The following NRG4 variants were observed in gnomAD, a reference collection of about 807,000 sequenced individuals.
NRG4 encodes neuregulin 4.
NRG4 carries 10 observed loss-of-function variants against 15.0 expected under a neutral mutation model. The observed-to-expected ratio is 0.67, with a 90% confidence interval of 0.41 to 1.13. NRG4 has a LOEUF of 1.13. NRG4 is among the 50% of genes most tolerant of loss of function. The pLI, the probability that NRG4 is intolerant of heterozygous loss-of-function variation, is 0.00. For synonymous variants in NRG4, 41 were observed against 50.1 expected, an observed-to-expected ratio of 0.82 and a Z score of 0.77; for missense variants, 139 against 140.2, an observed-to-expected ratio of 0.99 and a Z score of 0.04.
intron 2 of NRG4, among the ~76,000 whole-genome samples, chr15:76,010,604 A>C (rs1356990879): frequency 6.6e-6 from 1 of 152,146 alleles, no homozygotes; most frequent in Non-Finnish European, 1.5e-5. Flanking sequence ...TGAAAAAGAA[A>C]GTAAAATCAA....
chr15:76,005,842 G>A (rs564445705), intron 3 of NRG4: 3 of 399,634 alleles, frequency 7.5e-6, no homozygotes, highest in Non-Finnish European at 1.5e-5. Context: ...GGAGTTGGCA[G>A]GCAACATAAC....
chr15:76,046,124 T>C (rs1485400035), intron 4 of NRG4, among the ~76,000 whole-genome samples: 2 of 150,286 alleles, frequency 1.3e-5, no homozygotes, highest in Non-Finnish European at 3.0e-5. Context: ...ATATATAAAA[T>C]ACCTAGGAAT....
At chr15:75,975,961 C>T (rs1240661412) in intron 3 of NRG4, among the ~76,000 whole-genome samples, 1 of 152,172 alleles carries the variant, frequency 6.6e-6, no homozygotes, top group Non-Finnish European at 1.5e-5. Flanking sequence ...CAACTTGGTT[C>T]CATTCACCCT....
intron 3 of NRG4, among the ~76,000 whole-genome samples, chr15:75,995,314 A>G (rs531291585): frequency 6.6e-6 from 1 of 152,314 alleles, no homozygotes; most frequent in South Asian, 2.1e-4. Flanking sequence ...CAGGAAGTGT[A>G]CAATCATGGC....
intron 3 of NRG4, among the ~76,000 whole-genome samples, chr15:76,006,403 A>G (rs11072567): frequency 0.44 from 66,355 of 152,072 alleles, 15,365 homozygotes; most frequent in South Asian, 0.66. Context: ...TTGGAAAACA[A>G]TTATTTTTAT....
At chr15:76,014,830 C>CT (rs2034926706), upstream of NRG4, among the ~76,000 whole-genome samples, 2 of 152,126 alleles carry the variant, frequency 1.3e-5, no homozygotes, top group South Asian at 4.1e-4. Context: ...TACACAGGCT[C>CT]TTTTTTGGTT....
intron 5 of NRG4, among the ~76,000 whole-genome samples, chr15:76,032,035 T>C (rs1184751466): frequency 6.6e-6 from 1 of 152,138 alleles, no homozygotes; most frequent in Non-Finnish European, 1.5e-5. Flanking sequence ...CTAATAAGAC[T>C]TTATATGCTA....
At chr15:76,053,371 T>G (rs2036070966) in intron 2 of NRG4, 1 of 150,756 alleles carries the variant, frequency 6.6e-6, no homozygotes, top group South Asian at 2.1e-4. Flanking sequence ...TTTCTTCATC[T>G]GTAAAATGAC....
upstream of NRG4, among the ~76,000 whole-genome samples, chr15:76,015,677 T>C (rs879696300): frequency 6.6e-6 from 1 of 152,222 alleles, no homozygotes; most frequent in Admixed American, 6.5e-5. Context: ...GAATCATCCT[T>C]GCATTCCAGG....
At chr15:75,984,120 T>C (rs2033705272) in intron 3 of NRG4, among the ~76,000 whole-genome samples, 1 of 152,214 alleles carries the variant, frequency 6.6e-6, no homozygotes, top group Non-Finnish European at 1.5e-5. Context: ...TAATGGTGGA[T>C]ACATGTCATT....
At chr15:75,998,806 A>C (rs2034302149) in intron 3 of NRG4, among the ~76,000 whole-genome samples, 1 of 152,230 alleles carries the variant, frequency 6.6e-6, no homozygotes, top group Non-Finnish European at 1.5e-5. Flanking sequence ...ATTTGAACTA[A>C]TGGGAAGACA....
intron 3 of NRG4, among the ~76,000 whole-genome samples, chr15:75,990,542 C>G (rs1387013922): frequency 7.2e-5 from 11 of 152,194 alleles, no homozygotes. Flanking sequence ...AAGAGGAGAG[C>G]AAGTCTGGTC....
chr15:76,038,489 C>T (rs2035649563), intron 4 of NRG4, among the ~76,000 whole-genome samples: 1 of 152,214 alleles, frequency 6.6e-6, no homozygotes, highest in Admixed American at 6.5e-5. Flanking sequence ...TCCCTGTGGG[C>T]CTTAGGTGGT....
chr15:75,996,831 A>G (rs976228944), intron 3 of NRG4, among the ~76,000 whole-genome samples: 1 of 152,180 alleles, frequency 6.6e-6, no homozygotes, highest in African/African-American at 2.4e-5. Flanking sequence ...AATGTATTAT[A>G]GGAATTATAT....
At chr15:75,954,512 C>T (rs1366210055) in intron 5 of NRG4, among the ~76,000 whole-genome samples, 1 of 151,126 alleles carries the variant, frequency 6.6e-6, no homozygotes, top group East Asian at 1.9e-4. Context: ...TCAATGCAAC[C>T]TCCGCCTCTG....
At chr15:76,009,507 C>T (rs912298949) in intron 2 of NRG4, among the ~76,000 whole-genome samples, 3 of 151,888 alleles carry the variant, frequency 2.0e-5, no homozygotes, top group African/African-American at 7.3e-5. Context: ...AAAGATATGG[C>T]CATTAACTAT....
chr15:76,040,937 T>C (rs1211865999), intron 4 of NRG4, among the ~76,000 whole-genome samples: 2 of 152,110 alleles, frequency 1.3e-5, no homozygotes, highest in Non-Finnish European at 2.9e-5. Context: ...ATAATAATGA[T>C]AATAATAACT....
intron 5 of NRG4, among the ~76,000 whole-genome samples, chr15:76,018,974 TATCCA>T (rs1407146433): frequency 6.6e-6 from 1 of 151,918 alleles, no homozygotes; most frequent in Non-Finnish European, 1.5e-5. Context: ...ATGGGGGTTT[TATCCA>T]TAACCCCCTG....
chr15:75,958,742 C>T (rs111497379), intron 4 of NRG4, among the ~76,000 whole-genome samples: 2,452 of 152,164 alleles, frequency 0.016, 64 homozygotes, highest in African/African-American at 0.055. Context: ...ATACTTTCTA[C>T]TCAAAAGGTA....
Sources: gnomAD v4.1 joint callset for allele counts (sites outside exome capture counted in the v4.1 genomes callset) on GRCh38, gnomAD v4.1.1 for gene constraint, MANE v1.5 for transcripts, NCBI Gene and HGNC (gene_info 2026-07-23, HGNC 2026-07-21) for gene names.